The following TF variants were observed in gnomAD, a reference collection of about 807,000 sequenced individuals.
TF encodes the protein serotransferrin.
In TF, 55 loss-of-function variants were observed where a neutral mutation model predicts 82.4. The ratio of observed to expected loss-of-function variants is 0.67; its 90% CI spans 0.54 to 0.84. The LOEUF is 0.84. Among genes scored for constraint, TF ranks in the 40% least tolerant of loss-of-function variants. The pLI, the probability that TF is intolerant of heterozygous loss-of-function variation, is 0.00. For synonymous variants in TF, 332 were observed against 332.6 expected (o/e 1.00, Z 0.02); for missense variants, 737 against 868.4 (o/e 0.85, Z 1.90).
At chr3:133,678,323 G>A in the TF span, among the ~76,000 whole-genome samples, 65 of 152,268 alleles carry the variant, frequency 4.3e-4, no homozygotes, top group African/African-American at 1.5e-3. Context: ...ATAAATATAC[G>A]TGTGCATGTG....
chr3:133,694,671 G>A, the TF span, among the ~76,000 whole-genome samples: 1 of 152,174 alleles, frequency 6.6e-6, no homozygotes, highest in Non-Finnish European at 1.5e-5. Context: ...AGGGCCAAAG[G>A]TCAGGACCTC....
chr3:133,671,795 GA>G, the TF span, among the ~76,000 whole-genome samples: 4,929 of 54,608 alleles, frequency 0.09, 222 homozygotes, highest in African/African-American at 0.24. Flanking sequence ...TCTGTCAAAA[GA>G]AAAAAAAAAA....
At position 133,788,022 on chromosome 3, in the gene TF, A is replaced by G. The variant is rs1934730483; in HGVS notation, c.*9402A>G. 6.6e-6 allele frequency: 1 copy of G among 152,246 alleles called. No individual in the cohort carries two copies. Among genetic ancestry groups the G allele is most frequent in the African/African-American group, 2.4e-5 (1 of 41,460 alleles). 9.4% of individuals were successfully genotyped at this position (152,246 alleles called of 1,614,324 possible). ...GGAGCTGGAAGAAATGAAGGATTCT[A>G]GATCAGAATATTCCTATTTAGAAGA... is the stretch of plus-strand genomic sequence containing the variant. On this transcript the variant is annotated 3_prime_UTR_variant, in exon 17 of 17. Transcript: ENST00000402696.
chr3:133,752,317 C>T (rs1171865072), intron 2 of TF, among the ~76,000 whole-genome samples: 2 of 151,980 alleles, frequency 1.3e-5, no homozygotes, highest in African/African-American at 2.4e-5. Context: ...AGGCTGGTCT[C>T]GAACTCCTAA....
chr3:133,739,223 C>T, the TF span, among the ~76,000 whole-genome samples: 7 of 152,144 alleles, frequency 4.6e-5, no homozygotes, highest in African/African-American at 7.2e-5. Flanking sequence ...GAAAGGATTC[C>T]GCATTTAATA....
chr3:133,754,976 A>T (rs1933784946), intron 4 of TF, among the ~76,000 whole-genome samples: 1 of 152,112 alleles, frequency 6.6e-6, no homozygotes, highest in Admixed American at 6.5e-5. Context: ...ACTTCTCTGG[A>T]TTTCTTTCCT....
rs78543248 is a variant in TF at position 133,779,700 on chromosome 3, A to T, written c.*1080A>T. The T allele has an allele frequency of 6.9e-3, 1,058 of 152,504 alleles. 9 individuals are homozygous for T. Among genetic ancestry groups the T allele is most frequent in the Non-Finnish European group, 0.011 (737 of 68,186 alleles). The allele number at this position is 152,504 out of a possible 1,614,324, so 9.4% of individuals were successfully genotyped here. ...TCATGACTCCTAGGCATCTGTATCT[A>T]TAGCTGTGACCCCAGCCTCCAGCAG... On this transcript the variant is annotated 3_prime_UTR_variant, in exon 17 of 17. Transcript: ENST00000402696.
At chr3:133,734,526 AAACAAAACAGG>A in the TF span, among the ~76,000 whole-genome samples, 58,244 of 151,820 alleles carry the variant, frequency 0.38, 11,698 homozygotes, top group South Asian at 0.5. Flanking sequence ...ATAACCCACC[AAACAAAACAGG>A]AACTCACGAG....
chr3:133,672,446 A>C, the TF span, among the ~76,000 whole-genome samples: 1 of 151,770 alleles, frequency 6.6e-6, no homozygotes, highest in East Asian at 1.9e-4. Flanking sequence ...ACGAACACAA[A>C]TGCAAAAAAT....
chr3:133,725,359 G>T, the TF span, among the ~76,000 whole-genome samples: 1 of 152,056 alleles, frequency 6.6e-6, no homozygotes, highest in East Asian at 1.9e-4. Flanking sequence ...TTCTCCTTGG[G>T]GAGGTCCTTC....
intron 9 of TF, among the ~76,000 whole-genome samples, chr3:133,759,629 C>T (rs1213909173): frequency 1.3e-5 from 2 of 152,110 alleles, no homozygotes; most frequent in African/African-American, 2.4e-5. Flanking sequence ...TGGTGTGCCA[C>T]GATCACTGAG....
the TF span, among the ~76,000 whole-genome samples, chr3:133,734,558 T>C: frequency 6.6e-6 from 1 of 152,106 alleles, no homozygotes; most frequent in Non-Finnish European, 1.5e-5. Flanking sequence ...TCCATGCAGA[T>C]ATAAACAAGT....
chr3:133,678,048 C>G, the TF span, among the ~76,000 whole-genome samples: 1 of 152,112 alleles, frequency 6.6e-6, no homozygotes, highest in Non-Finnish European at 1.5e-5. Context: ...GTGTGCTCTT[C>G]CCCTCCCTGT....
the TF span, among the ~76,000 whole-genome samples, chr3:133,700,510 A>G: frequency 6.6e-6 from 1 of 152,372 alleles, no homozygotes; most frequent in South Asian, 2.1e-4. Flanking sequence ...ATTGCAGCCC[A>G]TGGTGCTGGA....
chr3:133,696,931 A>C, the TF span, among the ~76,000 whole-genome samples: 1 of 152,232 alleles, frequency 6.6e-6, no homozygotes, highest in Non-Finnish European at 1.5e-5. Flanking sequence ...TCTATCAGAT[A>C]CAGAACATTC....
At chr3:133,667,398 G>A in the TF span, among the ~76,000 whole-genome samples, 1 of 151,614 alleles carries the variant, frequency 6.6e-6, no homozygotes, top group Non-Finnish European at 1.5e-5. Context: ...ATTTTGCAAG[G>A]TTGGAAAAGC....
chr3:133,730,469 A>G, the TF span, among the ~76,000 whole-genome samples: 7 of 152,106 alleles, frequency 4.6e-5, no homozygotes, highest in African/African-American at 7.2e-5. Context: ...TTGTGGTTCT[A>G]CCACCAATTT....
the TF span, among the ~76,000 whole-genome samples, chr3:133,697,781 T>C: frequency 0.056 from 8,454 of 152,312 alleles, 514 homozygotes; most frequent in African/African-American, 0.15. Flanking sequence ...ATTTAAAACG[T>C]ATTTTCTAGA....
At position 133,792,434 on chromosome 3, in the gene TF, T is replaced by TAACTC. The variant is rs1934864268; in HGVS notation, c.*13815_*13819dup. 1 of 152,226 alleles carries TAACTC rather than the reference T, an allele frequency of 6.6e-6. No homozygotes were observed. The highest frequency in any genetic ancestry group is 1.5e-5 in the Non-Finnish European group (1 of 68,026). The allele number at this position is 152,226 out of a possible 1,614,324, so 9.4% of individuals were successfully genotyped here. ...CTTCATAAAATGCCACTATGACTCT[T>TAACTC]AACTCTACAACTTGCCTGCTTTACA... On this transcript the variant is annotated 3_prime_UTR_variant, in exon 17 of 17. Coordinates refer to ENST00000402696, the MANE Select transcript of TF (RefSeq NM_001063.4).
Sources: allele counts gnomAD v4.1 joint callset (sites outside exome capture counted in the v4.1 genomes callset), GRCh38; gene constraint gnomAD v4.1.1; transcripts MANE v1.5; gene names NCBI Gene and HGNC (gene_info 2026-07-23, HGNC 2026-07-21).